Variants in TAFA4 observed in about 807,000 individuals in gnomAD.
The protein encoded by TAFA4 is chemokine-like protein TAFA-4.
TAFA4 carries 20 observed loss-of-function variants against 21.1 expected under a neutral mutation model. The ratio of observed to expected loss-of-function variants is 0.95; its 90% CI spans 0.67 to 1.38. The LOEUF (loss-of-function observed/expected upper bound fraction) is 1.38, where lower values mean the gene tolerates loss of function less well. Ranked by LOEUF, TAFA4 falls within the 40% of genes most tolerant of loss-of-function variation. TAFA4 has a pLI of 0.00. For missense variants in TAFA4, 211 were observed against 180.9 expected, an observed-to-expected ratio of 1.17 and a Z score of -0.95; for synonymous variants, 71 against 67.4, an observed-to-expected ratio of 1.05 and a Z score of -0.26.
intron 3 of TAFA4, among the ~76,000 whole-genome samples, chr3:68,879,776 T>C (rs1257987147): frequency 6.6e-6 from 1 of 152,204 alleles, no homozygotes; most frequent in African/African-American, 2.4e-5. Context: ...ACATGTTATA[T>C]ATTTGGTGGT....
intron 3 of TAFA4, among the ~76,000 whole-genome samples, chr3:68,807,080 T>C (rs961863531): frequency 2.6e-5 from 4 of 152,216 alleles, no homozygotes; most frequent in South Asian, 4.1e-4. Context: ...GCATGAAGCA[T>C]GCTAACTCCT....
At chr3:68,836,691 T>A (rs1038995184) in intron 3 of TAFA4, among the ~76,000 whole-genome samples, 5 of 152,188 alleles carry the variant, frequency 3.3e-5, no homozygotes, top group Non-Finnish European at 7.3e-5. Flanking sequence ...ATTTCAATAG[T>A]CTTTCAACAG....
chr3:68,767,594 A>C (rs566838028), intron 3 of TAFA4, among the ~76,000 whole-genome samples: 2 of 152,178 alleles, frequency 1.3e-5, no homozygotes, highest in Admixed American at 6.5e-5. Flanking sequence ...ATAATATATA[A>C]AAAGAGAGCA....
intron 1 of TAFA4, among the ~76,000 whole-genome samples, chr3:68,900,057 G>A (rs543399308): frequency 7.0e-6 from 1 of 142,362 alleles, no homozygotes; most frequent in Non-Finnish European, 1.5e-5. Context: ...TGGGCAACAT[G>A]GCAAAACCCT....
At chr3:68,876,437 T>C (rs1303628646) in intron 3 of TAFA4, among the ~76,000 whole-genome samples, 2 of 152,238 alleles carry the variant, frequency 1.3e-5, no homozygotes, top group African/African-American at 4.8e-5. Context: ...TTTTCACAAA[T>C]GTTATCTCAA....
At chr3:68,831,765 C>T (rs922409104) in intron 3 of TAFA4, among the ~76,000 whole-genome samples, 2 of 152,146 alleles carry the variant, frequency 1.3e-5, no homozygotes, top group African/African-American at 4.8e-5. Flanking sequence ...TGGATAATAT[C>T]CTGAAGAGTG....
At chr3:68,860,127 C>T (rs79022728) in intron 3 of TAFA4, among the ~76,000 whole-genome samples, 5 of 152,132 alleles carry the variant, frequency 3.3e-5, no homozygotes, top group East Asian at 3.9e-4. Context: ...AATTGTTTAT[C>T]GACTTCCTTT....
chr3:68,864,894 TTCTAGAAAATGCAAAC>T (rs1291279145), intron 3 of TAFA4, among the ~76,000 whole-genome samples: 2 of 151,952 alleles, frequency 1.3e-5, no homozygotes, highest in Non-Finnish European at 2.9e-5. Context: ...ACAAACAAAA[TTCTAGAAAATGCAAAC>T]TCATCTACAG....
chr3:68,828,733 C>G (rs1325991589), intron 3 of TAFA4, among the ~76,000 whole-genome samples: 1 of 152,146 alleles, frequency 6.6e-6, no homozygotes, highest in Non-Finnish European at 1.5e-5. Context: ...ATTTTGTATC[C>G]TGAGACTCTG....
At chr3:68,840,892 T>C (rs1033464286) in intron 3 of TAFA4, among the ~76,000 whole-genome samples, 2 of 152,184 alleles carry the variant, frequency 1.3e-5, no homozygotes, top group African/African-American at 4.8e-5. Context: ...TTTTCTGTAA[T>C]ACTGAACTAA....
At chr3:68,885,444 A>C in intron 1 of TAFA4, 134 bp from the exon 2 acceptor site, 1 of 509,720 alleles carries the variant, frequency 2.0e-6, no homozygotes, top group South Asian at 2.6e-5. Flanking sequence ...AGACAGCCAA[A>C]CATATCCATA....
At chr3:68,878,705 C>T (rs2089582191) in intron 3 of TAFA4, among the ~76,000 whole-genome samples, 1 of 152,148 alleles carries the variant, frequency 6.6e-6, no homozygotes, top group African/African-American at 2.4e-5. Flanking sequence ...TGATCTCCTG[C>T]CTGCTCAATT....
chr3:68,925,846 C>G (rs2090102877), intron 1 of TAFA4, among the ~76,000 whole-genome samples: 1 of 152,134 alleles, frequency 6.6e-6, no homozygotes, highest in Non-Finnish European at 1.5e-5. Flanking sequence ...CCTTCCCTAG[C>G]CACAGGTTCA....
intron 3 of TAFA4, among the ~76,000 whole-genome samples, chr3:68,842,024 T>C (rs139217809): frequency 6.6e-6 from 1 of 152,334 alleles, no homozygotes; most frequent in Non-Finnish European, 1.5e-5. Flanking sequence ...CATGTGTCCT[T>C]ATAGTAGAAT....
intron 1 of TAFA4, among the ~76,000 whole-genome samples, chr3:68,894,157 A>C (rs1049406036): frequency 6.8e-6 from 1 of 147,244 alleles, no homozygotes; most frequent in African/African-American, 2.5e-5. Context: ...GTTACTTGTT[A>C]CTTTTTTTTT....
At chr3:68,756,688 C>T (rs1262830129) in intron 3 of TAFA4, among the ~76,000 whole-genome samples, 2 of 152,152 alleles carry the variant, frequency 1.3e-5, no homozygotes, top group African/African-American at 4.8e-5. Flanking sequence ...AACCAGTACC[C>T]AGAGAATCAA....
Position 68,895,425 on chromosome 3 carries a change from G to A in TAFA4, c.-122-10115C>T, listed in dbSNP as rs114757778. On this transcript the variant is annotated intron_variant, in intron 1 of 5. Coordinates refer to ENST00000295569, the MANE Select transcript of TAFA4 (RefSeq NM_182522.5). ...GCTGGGATTACAAGTGTGAGCCACC[G>A]TGCCCAGCTGTTTTTGGTTTTGTTT... 2.6e-3 allele frequency among the ~76,000 whole-genome samples: 396 copies of A among 152,328 alleles called. 3 individuals carry two copies. The highest frequency in any genetic ancestry group is 8.7e-3 in the African/African-American group (360 of 41,578).
At chr3:68,810,801 G>C (rs1703818251) in intron 3 of TAFA4, among the ~76,000 whole-genome samples, 1 of 152,218 alleles carries the variant, frequency 6.6e-6, no homozygotes, top group African/African-American at 2.4e-5. Flanking sequence ...AAATGTCCCT[G>C]TCTCACAGCT....
At chr3:68,846,338 T>A (rs1704793580) in intron 3 of TAFA4, among the ~76,000 whole-genome samples, 1 of 151,986 alleles carries the variant, frequency 6.6e-6, no homozygotes, top group South Asian at 2.1e-4. Context: ...CTTCAGGAAG[T>A]TCTTGTGCTG....
Sources: gnomAD v4.1 joint callset for allele counts (sites outside exome capture counted in the v4.1 genomes callset) on GRCh38, gnomAD v4.1.1 for gene constraint, MANE v1.5 for transcripts, NCBI Gene and HGNC (gene_info 2026-07-23, HGNC 2026-07-21) for gene names.